Variants in ARIH1 observed in about 807,000 individuals in gnomAD.
ARIH1 encodes ariadne RBR E3 ubiquitin protein ligase 1.
Under a neutral mutation model 85.0 loss-of-function variants are expected in ARIH1, and 8 were observed. That is an observed-to-expected ratio of 0.09 (90% CI 0.06 to 0.17). The LOEUF is 0.17. Ranked by LOEUF, ARIH1 falls within the 10% of genes least tolerant of loss-of-function variation. The probability of loss-of-function intolerance (pLI) is 1.00; values close to 1 mark genes in which losing one functional copy is unlikely to be tolerated. For synonymous variants in ARIH1, 238 were observed against 253.6 expected, an observed-to-expected ratio of 0.94 and a Z score of 0.59; for missense variants, 311 against 718.1, an observed-to-expected ratio of 0.43 and a Z score of 6.48.
chr15:72,569,091 T>C (rs1206351646), intron 9 of ARIH1, among the ~76,000 whole-genome samples: 1 of 152,116 alleles, frequency 6.6e-6, no homozygotes, highest in Admixed American at 6.6e-5. Context: ...GGCAGATTGC[T>C]TGAGCTTGAG....
intron 5 of ARIH1, among the ~76,000 whole-genome samples, chr15:72,560,125 TA>T (rs538273186): frequency 5.3e-5 from 8 of 152,330 alleles, no homozygotes; most frequent in African/African-American, 1.9e-4. Context: ...TTTACTCATT[TA>T]AAAAATATTA....
chr15:72,524,509 G>T (rs1229870323), intron 2 of ARIH1, among the ~76,000 whole-genome samples: 3 of 152,090 alleles, frequency 2.0e-5, no homozygotes, highest in African/African-American at 7.2e-5. Context: ...AGCCCAAGCT[G>T]GTCCACTTTT....
chr15:72,525,079 T>TG (rs896457497), intron 2 of ARIH1, among the ~76,000 whole-genome samples: 13 of 152,042 alleles, frequency 8.6e-5, no homozygotes, highest in African/African-American at 3.1e-4. Context: ...TTAGTAGAGA[T>TG]GGGGTTTCAT....
chr15:72,554,961 C>G (rs1049151998), intron 3 of ARIH1, among the ~76,000 whole-genome samples: 1 of 152,082 alleles, frequency 6.6e-6, no homozygotes, highest in Admixed American at 6.6e-5. Context: ...CCATGTTGCC[C>G]CGCCTTCATG....
At chr15:72,552,536 C>T (rs1414114456) in intron 3 of ARIH1, among the ~76,000 whole-genome samples, 6 of 152,220 alleles carry the variant, frequency 3.9e-5, no homozygotes, top group South Asian at 2.1e-4. Context: ...ATGATCTGCC[C>T]GCCTTGGCCT....
chr15:72,501,030 C>G (rs980299012), intron 1 of ARIH1, among the ~76,000 whole-genome samples: 3 of 152,140 alleles, frequency 2.0e-5, no homozygotes, highest in Non-Finnish European at 4.4e-5. Flanking sequence ...TATCAGCCTT[C>G]ATGGGAGGAG....
intron 1 of ARIH1, among the ~76,000 whole-genome samples, chr15:72,479,080 C>T (rs1330183256): frequency 6.6e-6 from 1 of 152,100 alleles, no homozygotes; most frequent in African/African-American, 2.4e-5. Flanking sequence ...GCCTCAAGCG[C>T]TCCTTGAACC....
At chr15:72,563,287 G>A in intron 6 of ARIH1, 107 bp from the exon 7 acceptor site, 1 of 863,210 alleles carries the variant, frequency 1.2e-6, no homozygotes, top group Non-Finnish European at 1.9e-6. Flanking sequence ...TGGAGTGCTT[G>A]ACCTCAAACA....
chr15:72,479,993 G>A (rs936502420), intron 1 of ARIH1, among the ~76,000 whole-genome samples: 2 of 151,244 alleles, frequency 1.3e-5, no homozygotes, highest in Non-Finnish European at 2.9e-5. Context: ...TCAGCCTCCC[G>A]AGTAGCTGGG....
intron 1 of ARIH1, chr15:72,475,276 T>C: frequency 1.6e-6 from 1 of 629,046 alleles, no homozygotes; most frequent in Non-Finnish European, 2.3e-6. Flanking sequence ...CTAAGCCTTC[T>C]CTTGCGGGCA....
At chr15:72,507,522 G>T (rs906060833) in intron 1 of ARIH1, among the ~76,000 whole-genome samples, 1 of 152,032 alleles carries the variant, frequency 6.6e-6, no homozygotes, top group Non-Finnish European at 1.5e-5. Context: ...TTGGCCTGGG[G>T]TTTGTGGCTT....
rs2064371110 is a variant in ARIH1, at chr15:72,598,545, C to T, written c.*15253C>T. ...CCTGGCCAACATAGTGAAACCCCAA[C>T]TCTACTAAAAATACTAAAATTAGCC... On this transcript the variant is annotated 3_prime_UTR_variant, in exon 14 of 14. Coordinates refer to ENST00000379887, the MANE Select transcript of ARIH1 (RefSeq NM_005744.5). 6.6e-6 allele frequency: 1 copy of T among 151,798 alleles called. No individual in the cohort carries two copies. The highest frequency in any genetic ancestry group is 1.5e-5 in the Non-Finnish European group (1 of 67,980). The allele number at this position is 151,798 out of a possible 1,614,324, so 9.4% of individuals were successfully genotyped here.
intron 1 of ARIH1, among the ~76,000 whole-genome samples, chr15:72,476,326 G>C (rs573400423): frequency 6.6e-6 from 1 of 152,240 alleles, no homozygotes; most frequent in Non-Finnish European, 1.5e-5. Context: ...TTTTAATCTA[G>C]AGAACACAGT....
Position 72,570,321 on chromosome 15 carries a change from A to G in ARIH1, c.1157+14A>G, listed in dbSNP as rs1261807665. Reference sequence around the variant, plus strand: ...TGGATCTGCCTGGTAGGTTGGGGAAATTAAGGGAAGAATGTGTTTACATAA... The same window carrying G: ...TGGATCTGCCTGGTAGGTTGGGGAAGTTAAGGGAAGAATGTGTTTACATAA... On this transcript the variant is annotated intron_variant, in intron 10 of 13. Coordinates refer to ENST00000379887, the MANE Select transcript of ARIH1 (RefSeq NM_005744.5). 3 of 1,613,626 alleles carry G rather than the reference A, an allele frequency of 1.9e-6. No homozygotes were observed. The highest frequency in any genetic ancestry group is 1.7e-6 in the Non-Finnish European group (2 of 1,179,750).
chr15:72,509,750 C>T (rs537269511), intron 1 of ARIH1, among the ~76,000 whole-genome samples: 1 of 152,070 alleles, frequency 6.6e-6, no homozygotes, highest in East Asian at 1.9e-4. Context: ...TGTCATCATG[C>T]CTGGCTAATT....
chr15:72,565,473 A>T (rs1051728763), intron 7 of ARIH1, among the ~76,000 whole-genome samples: 3 of 152,146 alleles, frequency 2.0e-5, no homozygotes, highest in African/African-American at 7.2e-5. Context: ...TCCTCCAAAC[A>T]TCTATAGAAT....
At chr15:72,565,056 A>G (rs1244820292) in intron 7 of ARIH1, among the ~76,000 whole-genome samples, 1 of 151,910 alleles carries the variant, frequency 6.6e-6, no homozygotes, top group Non-Finnish European at 1.5e-5. Context: ...AGACCCAGCA[A>G]ATAGATTTTT....
chr15:72,529,931 C>G (rs2064048279), intron 2 of ARIH1, among the ~76,000 whole-genome samples: 1 of 151,900 alleles, frequency 6.6e-6, no homozygotes, highest in South Asian at 2.1e-4. Flanking sequence ...ATTGGGAAGC[C>G]CTTGAACGTT....
chr15:72,538,762 G>C (rs1484570870), intron 2 of ARIH1, among the ~76,000 whole-genome samples: 2 of 152,184 alleles, frequency 1.3e-5, no homozygotes, highest in African/African-American at 4.8e-5. Flanking sequence ...CTGAGTACCA[G>C]GTTGCTCAGC....
Sources: gnomAD v4.1 joint callset for allele counts (sites outside exome capture counted in the v4.1 genomes callset) on GRCh38, gnomAD v4.1.1 for gene constraint, MANE v1.5 for transcripts, NCBI Gene and HGNC (gene_info 2026-07-23, HGNC 2026-07-21) for gene names.